Variants in SLC12A7 observed in about 807,000 individuals in gnomAD.
SLC12A7 encodes K-Cl cotransporter 4.
In SLC12A7, 100 loss-of-function variants were observed where a neutral mutation model predicts 120.6. The observed-to-expected ratio is 0.83, with a 90% CI of 0.71 to 0.98. The LOEUF (loss-of-function observed/expected upper bound fraction) is 0.98, where lower values mean the gene tolerates loss of function less well. Ranked by LOEUF, SLC12A7 falls within the 50% of genes least tolerant of loss-of-function variation. The pLI is 0.00. For synonymous variants in SLC12A7, 760 were observed against 678.0 expected (o/e 1.12, Z -1.88); for missense variants, 1,373 against 1,548.1 (o/e 0.89, Z 1.90).
chr5:1,110,777 C>T (rs1464166819), intron 1 of SLC12A7, among the ~76,000 whole-genome samples: 1 of 152,228 alleles, frequency 6.6e-6, no homozygotes, highest in Non-Finnish European at 1.5e-5. Flanking sequence ...AAGATCTGGG[C>T]TGGCCTCTGT....
At chr5:1,110,945 G>T (rs920154862) in intron 1 of SLC12A7, among the ~76,000 whole-genome samples, 4 of 152,228 alleles carry the variant, frequency 2.6e-5, no homozygotes, top group Non-Finnish European at 4.4e-5. Context: ...GGGATGGTGG[G>T]TTAGGAAGGA....
rs747364876 is a variant in SLC12A7 at position 1,083,916 on chromosome 5, A to G, written c.958T>C (p.Phe320Leu). Residue 320 changes from phenylalanine to leucine, a missense_variant, in exon 8 of 24, where the codon TTC (phenylalanine) becomes CTC (leucine). Physicochemically the swap from Phe to Leu is conservative, Grantham distance 22. Coordinates refer to ENST00000264930, the MANE Select transcript of SLC12A7 (RefSeq NM_006598.3). ...CCGTAGGCCTTGACGCAGGCATCGAAGCTGCGCCGTGACAGCGTGCGGTTC... is the reference window on the plus strand; with the variant it reads ...CCGTAGGCCTTGACGCAGGCATCGAGGCTGCGCCGTGACAGCGTGCGGTTC... ...LGNRTLSRRS[F>L]DACVKAYGIH... The G allele has an allele frequency of 6.2e-7, 1 of 1,606,896 alleles. No homozygotes were observed. Among genetic ancestry groups the G allele is most frequent in the East Asian group, 2.2e-5 (1 of 44,880 alleles).
At chr5:1,128,183 C>T in the SLC12A7 span, among the ~76,000 whole-genome samples, 2 of 152,252 alleles carry the variant, frequency 1.3e-5, no homozygotes, top group African/African-American at 4.8e-5. Flanking sequence ...ACTCTCGCCC[C>T]TTCCCCTGCA....
At chr5:1,097,294 C>T (rs2150889695) in intron 1 of SLC12A7, among the ~76,000 whole-genome samples, 1 of 152,286 alleles carries the variant, frequency 6.6e-6, no homozygotes, top group Middle Eastern at 3.4e-3. Context: ...CTTCCCGTCG[C>T]CTCCAACACT....
chr5:1,079,894 C>A (rs1738812207), intron 9 of SLC12A7, among the ~76,000 whole-genome samples: 1 of 152,222 alleles, frequency 6.6e-6, no homozygotes, highest in East Asian at 1.9e-4. Flanking sequence ...ACGACTCAGC[C>A]CAGCCAGCCA....
chr5:1,142,590 GTC>G, the SLC12A7 span, among the ~76,000 whole-genome samples: 12 of 139,820 alleles, frequency 8.6e-5, no homozygotes, highest in Non-Finnish European at 1.8e-4. Context: ...CTGTCCATCT[GTC>G]TCTGTCTGTT....
chr5:1,093,549 C>G lies in SLC12A7; in HGVS notation c.326G>C (p.Arg109Pro). The stretch of plus-strand genomic sequence containing the variant: ...TGGCAGTACCTTGGCCTCCCGCCGC[C>G]GGCTCTCCTCGTCCTCCTCGTGCTC... ...VVEHEEDEES[R>P]RREAKAPRMG... Residue 109 changes from arginine to proline, a missense_variant, in exon 3 of 24, where the codon CGG (arginine) becomes CCG (proline). Physicochemically the swap from Arg to Pro is moderately radical, Grantham distance 103. Transcript: ENST00000264930. The G allele has an allele frequency of 6.3e-7, 1 of 1,597,364 alleles. No individual in the cohort carries two copies. Among genetic ancestry groups the G allele is most frequent in the Non-Finnish European group, 8.5e-7 (1 of 1,173,018 alleles).
rs1416042092 is a variant in SLC12A7 at position 1,070,049 on chromosome 5, CCCCA to C, written c.2241+3580_2241+3583del. On this transcript the variant is annotated intron_variant, in intron 17 of 23. Coordinates refer to ENST00000264930, the MANE Select transcript of SLC12A7 (RefSeq NM_006598.3). Reference sequence around the variant, plus strand: ...CACACTTATGCAGCCCCCAGTGAGCCCCCAGTGAGCCCCCAGCACACGGGCATCA... The same window carrying C: ...CACACTTATGCAGCCCCCAGTGAGCCGTGAGCCCCCAGCACACGGGCATCA... Among the ~76,000 whole-genome samples the C allele has an allele frequency of 1.0e-4, 3 of 29,148 alleles. 1 individual carries two copies. Among genetic ancestry groups the C allele is most frequent in the African/African-American group, 4.3e-4 (3 of 6,964 alleles). The allele number at this position is 29,148 out of a possible 152,430, so 19.1% of individuals were successfully genotyped here. A position where few individuals can be genotyped will look rare whatever the true frequency, so the allele number is the denominator to read the frequency against.
intron 19 of SLC12A7, 43 bp from the exon 20 acceptor site, chr5:1,064,018 C>A: frequency 1.9e-6 from 3 of 1,604,584 alleles, no homozygotes; most frequent in African/African-American, 2.7e-5. Context: ...CAGAGGAGCC[C>A]GTCCCGGCCC....
the SLC12A7 span, among the ~76,000 whole-genome samples, chr5:1,127,942 C>A: frequency 6.6e-6 from 1 of 152,220 alleles, no homozygotes; most frequent in African/African-American, 2.4e-5. Context: ...GCCCACACCC[C>A]AGGAAAGTGT....
intron 4 of SLC12A7, 24 bp downstream of exon 4, chr5:1,088,958 C>G: frequency 6.2e-7 from 1 of 1,612,328 alleles, no homozygotes; most frequent in East Asian, 2.2e-5. Flanking sequence ...AAGGCACAGC[C>G]ACACCTGGCC....
intron 23 of SLC12A7, among the ~76,000 whole-genome samples, chr5:1,052,948 A>G (rs1200857149): frequency 1.3e-5 from 2 of 152,180 alleles, no homozygotes; most frequent in Non-Finnish European, 2.9e-5. Context: ...GCTGCGACCA[A>G]TTGTGGCCTT....
chr5:1,073,371 T>C (rs1211606244), intron 17 of SLC12A7, among the ~76,000 whole-genome samples: 1 of 152,130 alleles, frequency 6.6e-6, no homozygotes, highest in Non-Finnish European at 1.5e-5. Context: ...TGGACGGGGC[T>C]CACCCATGGC....
intron 1 of SLC12A7, among the ~76,000 whole-genome samples, chr5:1,107,197 CTTT>C: frequency 6.6e-6 from 1 of 152,376 alleles, no homozygotes. Context: ...TCTCAGCCTT[CTTT>C]GAGAAGAAAA....
chr5:1,118,799 C>T, the SLC12A7 span, among the ~76,000 whole-genome samples: 5 of 152,332 alleles, frequency 3.3e-5, no homozygotes, highest in Middle Eastern at 3.4e-3. Context: ...GTGCTGGCCC[C>T]GCAGCCTTGC....
At chr5:1,096,065 C>T (rs912935261) in intron 1 of SLC12A7, among the ~76,000 whole-genome samples, 3 of 152,158 alleles carry the variant, frequency 2.0e-5, no homozygotes, top group African/African-American at 4.8e-5. Flanking sequence ...TTCTAGAGAC[C>T]GTGATTGGGC....
chr5:1,075,068 C>G (rs761922073), intron 15 of SLC12A7, among the ~76,000 whole-genome samples: 1 of 152,192 alleles, frequency 6.6e-6, no homozygotes, highest in Non-Finnish European at 1.5e-5. Context: ...CCTGGGGACA[C>G]CTCGCGAGAC....
At chr5:1,085,106 G>T in intron 7 of SLC12A7, 126 bp downstream of exon 7, 1 of 1,350,914 alleles carries the variant, frequency 7.4e-7, no homozygotes, top group Non-Finnish European at 1.0e-6. Context: ...TTCCCGCCAC[G>T]GTCACACCCA....
chr5:1,155,759 G>A, the SLC12A7 span, among the ~76,000 whole-genome samples: 2 of 151,036 alleles, frequency 1.3e-5, no homozygotes, highest in African/African-American at 2.4e-5. Flanking sequence ...GGTCCAGGCC[G>A]GGGTCGGGGG....
Sources: allele counts gnomAD v4.1 joint callset (sites outside exome capture counted in the v4.1 genomes callset), GRCh38; gene constraint gnomAD v4.1.1; transcripts MANE v1.5; gene names NCBI Gene and HGNC (gene_info 2026-07-23, HGNC 2026-07-21).